Variants in UNC13C observed in about 807,000 individuals in gnomAD.
UNC13C encodes the protein unc-13 homolog C.
A neutral mutation model predicts 245.4 loss-of-function variants in UNC13C; 174 were observed. The ratio of observed to expected loss-of-function variants is 0.71; its 90% CI spans 0.63 to 0.80. The LOEUF is 0.80. Among genes scored for constraint, UNC13C ranks in the 30% least tolerant of loss-of-function variants. The pLI, the probability that UNC13C is intolerant of heterozygous loss-of-function variation, is 0.00. For synonymous variants in UNC13C, 992 were observed against 895.1 expected, an observed-to-expected ratio of 1.11 and a Z score of -1.93; for missense variants, 2,829 against 2,602.9, an observed-to-expected ratio of 1.09 and a Z score of -1.89.
intron 17 of UNC13C, among the ~76,000 whole-genome samples, chr15:54,350,465 G>A (rs535621383): frequency 6.6e-6 from 1 of 152,062 alleles, no homozygotes; most frequent in Non-Finnish European, 1.5e-5. Flanking sequence ...GGAATGAATC[G>A]GCAGGCAGAC....
intron 2 of UNC13C, among the ~76,000 whole-genome samples, chr15:54,064,455 G>A (rs956651531): frequency 3.3e-5 from 5 of 152,168 alleles, no homozygotes; most frequent in Admixed American, 2.6e-4. Context: ...GTGCTCCTTA[G>A]GATCAGCAGA....
intron 19 of UNC13C, among the ~76,000 whole-genome samples, chr15:54,478,715 A>G (rs528103686): frequency 1.3e-5 from 2 of 151,382 alleles, no homozygotes; most frequent in South Asian, 4.2e-4. Context: ...TTTGCTGAGG[A>G]GAGCTTTACT....
chr15:54,473,557 C>T (rs539173804), intron 19 of UNC13C, among the ~76,000 whole-genome samples: 21 of 151,890 alleles, frequency 1.4e-4, no homozygotes, highest in African/African-American at 5.1e-4. Flanking sequence ...CCTCTAACTC[C>T]ATGAAATCAG....
chr15:54,321,021 C>T (rs756552337), intron 13 of UNC13C: 16 of 451,058 alleles, frequency 3.5e-5, no homozygotes, highest in South Asian at 1.4e-4. Flanking sequence ...CAGTCACTAA[C>T]GTTTCCTCCA....
At chr15:54,338,799 A>G (rs965772398) in intron 17 of UNC13C, among the ~76,000 whole-genome samples, 1 of 152,158 alleles carries the variant, frequency 6.6e-6, no homozygotes, top group Non-Finnish European at 1.5e-5. Flanking sequence ...TTGGGACTAG[A>G]CATTAGGATT....
At chr15:54,020,446 T>A (rs78616622) in intron 2 of UNC13C, among the ~76,000 whole-genome samples, 3 of 127,206 alleles carry the variant, frequency 2.4e-5, no homozygotes, top group Admixed American at 7.4e-5. Context: ...AGCTAATTTT[T>A]TTTTTTTTTT....
intron 30 of UNC13C, among the ~76,000 whole-genome samples, chr15:54,598,856 A>G (rs1464129594): frequency 6.6e-6 from 1 of 152,152 alleles, no homozygotes; most frequent in Non-Finnish European, 1.5e-5. Context: ...CTGAGGCACA[A>G]ATACGTATTT....
chr15:54,114,889 T>C (rs1319893524), intron 2 of UNC13C, among the ~76,000 whole-genome samples: 2 of 152,160 alleles, frequency 1.3e-5, no homozygotes, highest in African/African-American at 4.8e-5. Flanking sequence ...TGAAATAATA[T>C]ATCACTACTA....
intron 19 of UNC13C, among the ~76,000 whole-genome samples, chr15:54,483,588 C>G (rs754172708): frequency 3.3e-5 from 5 of 152,120 alleles, no homozygotes; most frequent in Admixed American, 6.5e-5. Flanking sequence ...GTCCACCTCC[C>G]GGCTTCAAGC....
downstream of UNC13C, chr15:54,629,566 G>A (rs116625087): frequency 1.1e-4 from 17 of 151,402 alleles, no homozygotes; most frequent in African/African-American, 3.1e-4. Flanking sequence ...GCTAAATACC[G>A]TTTAGTCCCA....
chr15:54,500,892 C>T lies in UNC13C; in HGVS notation c.5215C>T (p.Gln1739Ter). The change falls in exon 22 of 33, where the codon CAG becomes TAG. Residue 1739 changes from glutamine to a stop codon, truncating the protein, a stop_gained. Coordinates refer to ENST00000260323, the MANE Select transcript of UNC13C (RefSeq NM_001080534.3). LOFTEE classifies it high-confidence loss of function. ...TTGCTCCGTGGTTGATGTCTTTGCT[C>T]AGCTGAATCAGAGCTTTGAAATTAT... ...FSCSVVDVFA[Q>*]LNQSFEIIKK... 1 of 1,613,012 alleles carries T rather than the reference C, an allele frequency of 6.2e-7. No individual in the cohort carries two copies. The highest frequency in any genetic ancestry group is 2.2e-5 in the East Asian group (1 of 44,858).
intron 17 of UNC13C, among the ~76,000 whole-genome samples, chr15:54,368,775 A>G (rs1203649144): frequency 1.3e-5 from 2 of 152,170 alleles, no homozygotes; most frequent in Non-Finnish European, 2.9e-5. Flanking sequence ...CACAGAATAG[A>G]CCCAACAATT....
chr15:53,973,047 A>G, the UNC13C span, among the ~76,000 whole-genome samples: 149 of 152,122 alleles, frequency 9.8e-4, no homozygotes, highest in Non-Finnish European at 1.7e-3. Flanking sequence ...TCTGTAAAGA[A>G]TAGAAAAGGA....
intron 2 of UNC13C, among the ~76,000 whole-genome samples, chr15:54,124,591 ATCC>A (rs915044145): frequency 1.8e-4 from 28 of 152,062 alleles, no homozygotes; most frequent in Middle Eastern, 3.4e-3. Flanking sequence ...TTGTCTTTTT[ATCC>A]TCCTAACAAG....
chr15:54,160,956 TC>T (rs2032949530), intron 4 of UNC13C, among the ~76,000 whole-genome samples: 1 of 152,226 alleles, frequency 6.6e-6, no homozygotes. Flanking sequence ...TTTGCACATT[TC>T]TTTTGAAGGT....
At chr15:54,432,739 A>C (rs961117639) in intron 19 of UNC13C, among the ~76,000 whole-genome samples, 2 of 152,022 alleles carry the variant, frequency 1.3e-5, no homozygotes, top group South Asian at 2.1e-4. Context: ...GACAAGAAAT[A>C]ACTAAGATCA....
the UNC13C span, among the ~76,000 whole-genome samples, chr15:53,898,974 C>G: frequency 6.6e-6 from 1 of 151,638 alleles, no homozygotes; most frequent in African/African-American, 2.4e-5. Context: ...CCCCAACTGT[C>G]CCCCACACCA....
intron 1 of UNC13C, among the ~76,000 whole-genome samples, chr15:54,003,485 A>C (rs1484751469): frequency 6.6e-6 from 1 of 152,106 alleles, no homozygotes; most frequent in Non-Finnish European, 1.5e-5. Flanking sequence ...ATACCCTCTT[A>C]CCTGTCCCCT....
At chr15:54,614,454 T>C (rs1900297566) in intron 30 of UNC13C, among the ~76,000 whole-genome samples, 2 of 152,208 alleles carry the variant, frequency 1.3e-5, no homozygotes, top group South Asian at 4.1e-4. Context: ...GTAGCTGTTA[T>C]ATTACAAGAA....
Sources: gnomAD v4.1 joint callset for allele counts (sites outside exome capture counted in the v4.1 genomes callset) on GRCh38, gnomAD v4.1.1 for gene constraint, MANE v1.5 for transcripts, NCBI Gene and HGNC (gene_info 2026-07-23, HGNC 2026-07-21) for gene names.